The following MCTP1 variants were observed in gnomAD, a reference collection of about 807,000 sequenced individuals.
MCTP1 encodes the protein multiple C2 and transmembrane domain containing 1.
MCTP1 carries 69 observed loss-of-function variants against 120.6 expected under a neutral mutation model. That is an observed-to-expected ratio of 0.57 (90% CI 0.47 to 0.70). The LOEUF (loss-of-function observed/expected upper bound fraction) is 0.70. MCTP1 is among the 30% of genes least tolerant of loss of function. The pLI is 0.00. For synonymous variants in MCTP1, 529 were observed against 493.1 expected (o/e 1.07, Z -0.96); for missense variants, 1,203 against 1,248.8 (o/e 0.96, Z 0.55).
intron 2 of MCTP1, among the ~76,000 whole-genome samples, chr5:94,986,466 T>C (rs966147196): frequency 6.6e-6 from 1 of 152,148 alleles, no homozygotes; most frequent in Non-Finnish European, 1.5e-5. Context: ...CAACCAGTAG[T>C]TCAAACTTCA....
At chr5:95,140,809 G>GGCGGAGCTTGCAGTGA (rs1187292594) in intron 1 of MCTP1, among the ~76,000 whole-genome samples, 1 of 148,288 alleles carries the variant, frequency 6.7e-6, no homozygotes, top group Admixed American at 6.7e-5. Flanking sequence ...GAACCCAGGA[G>GGCGGAGCTTGCAGTGA]GCGGAGCTTG....
At chr5:94,806,321 C>T (rs541884184) in intron 17 of MCTP1, among the ~76,000 whole-genome samples, 4 of 151,396 alleles carry the variant, frequency 2.6e-5, no homozygotes, top group African/African-American at 9.7e-5. Flanking sequence ...ATTAAACAAA[C>T]AAACAAAAAT....
intron 6 of MCTP1, among the ~76,000 whole-genome samples, chr5:94,927,366 A>T (rs1275063785): frequency 6.6e-6 from 1 of 152,198 alleles, no homozygotes; most frequent in East Asian, 1.9e-4. Context: ...CAAATAATAC[A>T]GATTTGGGAG....
chr5:95,213,911 C>G (rs1396386220), intron 1 of MCTP1, among the ~76,000 whole-genome samples: 1 of 152,278 alleles, frequency 6.6e-6, no homozygotes, highest in East Asian at 1.9e-4. Flanking sequence ...CATAAAAACC[C>G]TAGAAGAAAA....
intron 1 of MCTP1, chr5:95,038,165 C>T: frequency 1.0e-6 from 1 of 974,560 alleles, no homozygotes; most frequent in South Asian, 4.7e-5. Context: ...GTGCGAATAG[C>T]AAGTTATTCC....
At chr5:95,226,335 G>A (rs949578329) in intron 1 of MCTP1, among the ~76,000 whole-genome samples, 2 of 152,142 alleles carry the variant, frequency 1.3e-5, no homozygotes, top group Non-Finnish European at 2.9e-5. Flanking sequence ...AATTGAAAGA[G>A]AACCTCCTCT....
At chr5:95,086,044 T>G (rs187398554) in intron 1 of MCTP1, among the ~76,000 whole-genome samples, 108 of 152,286 alleles carry the variant, frequency 7.1e-4, no homozygotes, top group African/African-American at 2.6e-3. Context: ...TGCTGTTTTT[T>G]ATTTAATTTG....
At chr5:94,862,636 C>A (rs1452885749) in intron 17 of MCTP1, among the ~76,000 whole-genome samples, 1 of 151,748 alleles carries the variant, frequency 6.6e-6, no homozygotes, top group Non-Finnish European at 1.5e-5. Context: ...AGTGACCAAA[C>A]CTGAAACCCA....
At chr5:94,889,803 T>C (rs954755486) in intron 11 of MCTP1, among the ~76,000 whole-genome samples, 7 of 151,354 alleles carry the variant, frequency 4.6e-5, no homozygotes, top group Non-Finnish European at 8.8e-5. Context: ...TGGATAATTG[T>C]TGCTATATAA....
At chr5:95,234,631 A>C (rs1755336188) in intron 1 of MCTP1, among the ~76,000 whole-genome samples, 1 of 152,210 alleles carries the variant, frequency 6.6e-6, no homozygotes, top group Non-Finnish European at 1.5e-5. Flanking sequence ...AACATGAATA[A>C]ACATAGATAT....
At chr5:94,975,572 TA>T (rs1827916817) in intron 2 of MCTP1, among the ~76,000 whole-genome samples, 1 of 151,848 alleles carries the variant, frequency 6.6e-6, no homozygotes, top group African/African-American at 2.4e-5. Flanking sequence ...CCACCCAGTC[TA>T]CAGTATTTCG....
chr5:94,813,295 GT>G (rs1348871838), intron 17 of MCTP1, among the ~76,000 whole-genome samples: 1 of 152,166 alleles, frequency 6.6e-6, no homozygotes, highest in Non-Finnish European at 1.5e-5. Context: ...TAGAGTGGCT[GT>G]AATCAGGACA....
At chr5:94,861,031 T>G (rs1163141751) in intron 17 of MCTP1, among the ~76,000 whole-genome samples, 1 of 151,828 alleles carries the variant, frequency 6.6e-6, no homozygotes, top group African/African-American at 2.4e-5. Flanking sequence ...TGTCTTTCCT[T>G]GCCTCTTAGT....
chr5:95,003,099 C>T (rs1002940811), intron 2 of MCTP1, among the ~76,000 whole-genome samples: 12 of 152,122 alleles, frequency 7.9e-5, no homozygotes, highest in African/African-American at 2.9e-4. Flanking sequence ...GAAGAGGTAC[C>T]TTCTGCCATA....
intron 17 of MCTP1, among the ~76,000 whole-genome samples, chr5:94,862,018 G>A (rs1357975622): frequency 6.6e-6 from 1 of 151,684 alleles, no homozygotes; most frequent in Admixed American, 6.6e-5. Context: ...CTAATTCTTA[G>A]ATTCAATATG....
At chr5:95,151,726 C>T (rs1404953298) in intron 1 of MCTP1, among the ~76,000 whole-genome samples, 1 of 152,184 alleles carries the variant, frequency 6.6e-6, no homozygotes, top group African/African-American at 2.4e-5. Context: ...ATTAGGAGAT[C>T]CTACCACTTA....
chr5:94,938,300 A>G (rs1216824142), intron 5 of MCTP1, among the ~76,000 whole-genome samples: 1 of 152,032 alleles, frequency 6.6e-6, no homozygotes, highest in Non-Finnish European at 1.5e-5. Context: ...CAGTCTGGAC[A>G]TTGTCCTTCC....
chr5:95,089,512 G>C (rs1755686602), intron 1 of MCTP1, among the ~76,000 whole-genome samples: 1 of 152,150 alleles, frequency 6.6e-6, no homozygotes. Context: ...CTTTGGAATT[G>C]ATTGGGTAAA....
chr5:95,240,758 A>C (rs1756069324), intron 1 of MCTP1, among the ~76,000 whole-genome samples: 1 of 152,162 alleles, frequency 6.6e-6, no homozygotes, highest in Non-Finnish European at 1.5e-5. Flanking sequence ...AAGTCTTAGC[A>C]GTGTGCCATT....
Sources: gnomAD v4.1 joint callset for allele counts (sites outside exome capture counted in the v4.1 genomes callset) on GRCh38, gnomAD v4.1.1 for gene constraint, MANE v1.5 for transcripts, NCBI Gene and HGNC (gene_info 2026-07-23, HGNC 2026-07-21) for gene names.